The following ESR1 variants were observed in gnomAD, a reference collection of about 807,000 sequenced individuals.
ESR1 encodes the protein estrogen receptor 1.
In ESR1, 12 loss-of-function variants were observed where a neutral mutation model predicts 52.7. The ratio of observed to expected loss-of-function variants is 0.23; its 90% confidence interval spans 0.15 to 0.37. The LOEUF (loss-of-function observed/expected upper bound fraction) is 0.37, where lower values mean the gene tolerates loss of function less well. Among genes scored for constraint, ESR1 ranks in the 10% least tolerant of loss-of-function variants. ESR1 has a pLI of 1.00. For synonymous variants in ESR1, 305 were observed against 316.8 expected, an observed-to-expected ratio of 0.96 and a Z score of 0.39; for missense variants, 584 against 779.7, an observed-to-expected ratio of 0.75 and a Z score of 2.99.
chr6:151,989,694 A>G (rs2040834040), intron 4 of ESR1, among the ~76,000 whole-genome samples: 1 of 152,098 alleles, frequency 6.6e-6, no homozygotes, highest in African/African-American at 2.4e-5. Context: ...TCCTCAGATC[A>G]CTGGGATCTC....
intron 2 of ESR1, among the ~76,000 whole-genome samples, chr6:151,859,653 A>G (rs1034355151): frequency 1.3e-5 from 2 of 152,198 alleles, no homozygotes; most frequent in Non-Finnish European, 2.9e-5. Flanking sequence ...AGAGTTGGCA[A>G]CAGCTGCCAG....
intron 1 of ESR1, among the ~76,000 whole-genome samples, chr6:151,701,216 T>C (rs924307922): frequency 5.9e-5 from 9 of 151,360 alleles, no homozygotes; most frequent in African/African-American, 2.2e-4. Context: ...TGGGAGTTTT[T>C]TTTTTTTTAA....
intron 1 of ESR1, among the ~76,000 whole-genome samples, chr6:151,820,539 C>T (rs1314780577): frequency 6.6e-6 from 1 of 152,094 alleles, no homozygotes; most frequent in East Asian, 1.9e-4. Flanking sequence ...GTCATACAAC[C>T]AGTACTGGAG....
chr6:152,017,425 T>C (rs1380631493), intron 5 of ESR1, among the ~76,000 whole-genome samples: 1 of 152,116 alleles, frequency 6.6e-6, no homozygotes, highest in Non-Finnish European at 1.5e-5. Context: ...GAAATAAAGG[T>C]TATTATAAGG....
chr6:151,682,115 G>C (rs1217067128), intron 1 of ESR1, among the ~76,000 whole-genome samples: 1 of 152,186 alleles, frequency 6.6e-6, no homozygotes, highest in African/African-American at 2.4e-5. Context: ...TCCTAGCACA[G>C]GTTTTTTGAT....
intron 3 of ESR1, among the ~76,000 whole-genome samples, chr6:151,924,421 T>A (rs910084686): frequency 5.3e-5 from 8 of 152,212 alleles, no homozygotes; most frequent in Admixed American, 2.0e-4. Context: ...AATTAATTTT[T>A]ATTTTTATTT....
intron 4 of ESR1, among the ~76,000 whole-genome samples, chr6:151,994,214 C>T (rs927854057): frequency 1.3e-5 from 2 of 152,188 alleles, no homozygotes; most frequent in East Asian, 3.9e-4. Flanking sequence ...ATGCCAAATA[C>T]CTTCTCCTTT....
intron 2 of ESR1, among the ~76,000 whole-genome samples, chr6:151,779,972 T>G (rs1247547340): frequency 6.7e-6 from 1 of 148,360 alleles, no homozygotes; most frequent in Admixed American, 6.7e-5. Context: ...TAAAAAAGAA[T>G]GAGTTTATGT....
chr6:151,806,530 G>GTATATGTATATATATATATATA (rs1554259016), upstream of ESR1, among the ~76,000 whole-genome samples: 36 of 96,442 alleles, frequency 3.7e-4, no homozygotes, highest in Non-Finnish European at 6.7e-4. Flanking sequence ...TCCTTAATAT[G>GTATATGTATATATATATATATA]TATATATATA....
chr6:151,966,738 T>G (rs2038312582), intron 4 of ESR1, among the ~76,000 whole-genome samples: 1 of 152,180 alleles, frequency 6.6e-6, no homozygotes, highest in Non-Finnish European at 1.5e-5. Flanking sequence ...TCCTGAAACT[T>G]TTTATATCCT....
At chr6:151,882,157 A>G (rs1793048439) in intron 3 of ESR1, among the ~76,000 whole-genome samples, 2 of 152,138 alleles carry the variant, frequency 1.3e-5, no homozygotes, top group Admixed American at 6.5e-5. Flanking sequence ...GAGGAAGGAG[A>G]GGAAAGACCA....
intron 1 of ESR1, among the ~76,000 whole-genome samples, chr6:151,677,972 A>AAAGAAAAGTT (rs1554233060): frequency 1.3e-5 from 2 of 151,962 alleles, no homozygotes; most frequent in Non-Finnish European, 2.9e-5. Context: ...AAAAATTAAT[A>AAAGAAAAGTT]AAACGTAATG....
chr6:151,662,815 T>C (rs1777685179), intron 1 of ESR1, among the ~76,000 whole-genome samples: 1 of 152,240 alleles, frequency 6.6e-6, no homozygotes, highest in South Asian at 2.1e-4. Flanking sequence ...TTAGCATGTA[T>C]TAAACGAAGA....
At chr6:151,871,439 AGTC>A (rs1384532704) in intron 2 of ESR1, among the ~76,000 whole-genome samples, 2 of 151,622 alleles carry the variant, frequency 1.3e-5, no homozygotes, top group East Asian at 2.0e-4. Flanking sequence ...GTTTCACTCT[AGTC>A]GCCCAGGCTG....
intron 3 of ESR1, among the ~76,000 whole-genome samples, chr6:151,902,462 A>C (rs914440435): frequency 2.0e-5 from 3 of 152,222 alleles, no homozygotes; most frequent in African/African-American, 7.2e-5. Context: ...CAACTACCCC[A>C]TAAAGCTATT....
chr6:151,879,088 T>C (rs1792342172), intron 2 of ESR1, among the ~76,000 whole-genome samples: 1 of 152,136 alleles, frequency 6.6e-6, no homozygotes, highest in Non-Finnish European at 1.5e-5. Context: ...GACCTAGGAT[T>C]GAGCCCTGAG....
At chr6:151,921,378 A>G (rs1409412858) in intron 3 of ESR1, among the ~76,000 whole-genome samples, 9 of 152,196 alleles carry the variant, frequency 5.9e-5, no homozygotes, top group Admixed American at 5.9e-4. Context: ...TATTGTGAAT[A>G]GTGCTGCAGT....
chr6:151,767,352 C>T (rs767287744), intron 2 of ESR1, among the ~76,000 whole-genome samples: 1 of 152,146 alleles, frequency 6.6e-6, no homozygotes, highest in Non-Finnish European at 1.5e-5. Context: ...TGCAGATATT[C>T]CCCACCTCCT....
At chr6:152,095,776 G>A (rs1161738870) in intron 7 of ESR1, among the ~76,000 whole-genome samples, 1 of 152,086 alleles carries the variant, frequency 6.6e-6, no homozygotes, top group Non-Finnish European at 1.5e-5. Context: ...CTTCCCTATG[G>A]TTACTGCCCA....
Sources: allele counts gnomAD v4.1 joint callset (sites outside exome capture counted in the v4.1 genomes callset), GRCh38; gene constraint gnomAD v4.1.1; transcripts MANE v1.5; gene names NCBI Gene and HGNC (gene_info 2026-07-23, HGNC 2026-07-21).